The following SCHIP1 variants were observed in gnomAD, a reference collection of about 807,000 sequenced individuals.
The protein encoded by SCHIP1 is schwannomin interacting protein 1.
Under a neutral mutation model 29.7 loss-of-function variants are expected in SCHIP1, and 8 were observed. The observed-to-expected ratio is 0.27, with a 90% CI of 0.16 to 0.49. The LOEUF is 0.49. Ranked by LOEUF, SCHIP1 falls within the 20% of genes least tolerant of loss-of-function variation. SCHIP1 has a pLI of 0.99. For synonymous variants in SCHIP1, 76 were observed against 94.9 expected, an observed-to-expected ratio of 0.80 and a Z score of 1.16; for missense variants, 193 against 294.6, an observed-to-expected ratio of 0.66 and a Z score of 2.52.
At chr3:159,718,263 A>G in the SCHIP1 span, among the ~76,000 whole-genome samples, 1 of 152,210 alleles carries the variant, frequency 6.6e-6, no homozygotes, top group Non-Finnish European at 1.5e-5. Context: ...TGACAAATCC[A>G]CAGCCAATAT....
At chr3:159,868,130 A>T (rs1714849994) in intron 2 of SCHIP1, among the ~76,000 whole-genome samples, 1 of 150,732 alleles carries the variant, frequency 6.6e-6, no homozygotes, top group Non-Finnish European at 1.5e-5. Context: ...TAACATACCT[A>T]TATATAACCC....
At chr3:159,606,185 G>T in the SCHIP1 span, among the ~76,000 whole-genome samples, 1 of 152,244 alleles carries the variant, frequency 6.6e-6, no homozygotes, top group African/African-American at 2.4e-5. Context: ...TTACGGACTA[G>T]TACATTTTCA....
chr3:159,373,758 G>A, the SCHIP1 span, among the ~76,000 whole-genome samples: 1 of 151,960 alleles, frequency 6.6e-6, no homozygotes, highest in Non-Finnish European at 1.5e-5. Flanking sequence ...TCTAAGGCTG[G>A]ATAGTACATT....
At chr3:159,515,992 G>C in the SCHIP1 span, among the ~76,000 whole-genome samples, 1 of 150,906 alleles carries the variant, frequency 6.6e-6, no homozygotes, top group African/African-American at 2.4e-5. Flanking sequence ...ATAAAGAATT[G>C]GGGGGGAATT....
the SCHIP1 span, among the ~76,000 whole-genome samples, chr3:159,322,246 A>G: frequency 6.6e-6 from 1 of 152,176 alleles, no homozygotes; most frequent in South Asian, 2.1e-4. Flanking sequence ...TGTTTCAACA[A>G]TGTCAGTCAA....
chr3:159,521,485 C>T, the SCHIP1 span, among the ~76,000 whole-genome samples: 1 of 152,224 alleles, frequency 6.6e-6, no homozygotes, highest in Non-Finnish European at 1.5e-5. Context: ...ACGAAAGGTA[C>T]TACTGACTGG....
At chr3:159,277,206 G>A in the SCHIP1 span, among the ~76,000 whole-genome samples, 1 of 152,200 alleles carries the variant, frequency 6.6e-6, no homozygotes, top group East Asian at 1.9e-4. Context: ...GAAACTGATG[G>A]AACTGTACTG....
At chr3:159,695,110 TTA>T in the SCHIP1 span, among the ~76,000 whole-genome samples, 3 of 152,192 alleles carry the variant, frequency 2.0e-5, no homozygotes, top group East Asian at 5.8e-4. Context: ...CAACAAATAT[TTA>T]TAGAGTGCCT....
chr3:159,597,256 AAATT>A, the SCHIP1 span, among the ~76,000 whole-genome samples: 1 of 152,180 alleles, frequency 6.6e-6, no homozygotes, highest in Non-Finnish European at 1.5e-5. Context: ...GGTACATGTG[AAATT>A]TTGTAATGTA....
At chr3:159,602,000 C>A in the SCHIP1 span, among the ~76,000 whole-genome samples, 1 of 151,646 alleles carries the variant, frequency 6.6e-6, no homozygotes, top group Non-Finnish European at 1.5e-5. Flanking sequence ...GGGTGAGTAA[C>A]CCAGAACAAG....
chr3:159,634,806 C>T, the SCHIP1 span, among the ~76,000 whole-genome samples: 1 of 152,206 alleles, frequency 6.6e-6, no homozygotes, highest in East Asian at 1.9e-4. Context: ...AGTTTTCCCC[C>T]CCTTTTCCTT....
At chr3:159,362,266 G>GACTT in the SCHIP1 span, among the ~76,000 whole-genome samples, 2 of 152,168 alleles carry the variant, frequency 1.3e-5, no homozygotes, top group African/African-American at 4.8e-5. Context: ...GTAAGGTAAG[G>GACTT]ACTTACTGGA....
the SCHIP1 span, among the ~76,000 whole-genome samples, chr3:159,564,372 G>A: frequency 1.3e-5 from 2 of 149,718 alleles, no homozygotes; most frequent in South Asian, 2.1e-4. Context: ...AAGAGGAACC[G>A]TTATCTTGAT....
At chr3:159,451,614 A>T in the SCHIP1 span, among the ~76,000 whole-genome samples, 3 of 152,244 alleles carry the variant, frequency 2.0e-5, no homozygotes, top group African/African-American at 7.2e-5. Context: ...TCTAGTTGGC[A>T]TCTGAATTTG....
the SCHIP1 span, among the ~76,000 whole-genome samples, chr3:159,422,597 C>G: frequency 6.6e-6 from 1 of 152,190 alleles, no homozygotes; most frequent in Non-Finnish European, 1.5e-5. Flanking sequence ...AAGAGCCCTT[C>G]CAATCACTGC....
chr3:159,716,781 A>G, the SCHIP1 span, among the ~76,000 whole-genome samples: 2 of 152,162 alleles, frequency 1.3e-5, no homozygotes, highest in Non-Finnish European at 2.9e-5. Flanking sequence ...CTCCCACACA[A>G]TAATAACGGG....
At chr3:159,587,860 G>A in the SCHIP1 span, among the ~76,000 whole-genome samples, 1 of 152,278 alleles carries the variant, frequency 6.6e-6, no homozygotes, top group Middle Eastern at 3.4e-3. Context: ...TCTTAACCCA[G>A]TCTATCATTG....
chr3:159,496,612 C>T, the SCHIP1 span, among the ~76,000 whole-genome samples: 1 of 152,124 alleles, frequency 6.6e-6, no homozygotes, highest in Admixed American at 6.5e-5. Context: ...ACAACAGGTG[C>T]TGGAGAGGAT....
Position 159,880,484 on chromosome 3 carries a change from G to A in SCHIP1, c.150-5723G>A, listed in dbSNP as rs147660724. On this transcript the variant is annotated intron_variant, in intron 2 of 6. Transcript: ENST00000445224. ...TATACATTGTGACTTAATGATCCAA[G>A]CACTTGATATCTGTTAGAAGACCTA... Among the ~76,000 whole-genome samples the A allele has an allele frequency of 1.8e-3, 277 of 152,286 alleles. 1 individual carries two copies. The highest frequency in any genetic ancestry group is 6.5e-3 in the African/African-American group (269 of 41,546).
Sources: gnomAD v4.1 joint callset for allele counts (sites outside exome capture counted in the v4.1 genomes callset) on GRCh38, gnomAD v4.1.1 for gene constraint, MANE v1.5 for transcripts, NCBI Gene and HGNC (gene_info 2026-07-23, HGNC 2026-07-21) for gene names.